Variants in TSC22D1 observed in about 807,000 individuals in gnomAD.
TSC22D1 encodes TSC22 domain family protein 1.
In TSC22D1, 9 loss-of-function variants were observed where a neutral mutation model predicts 74.2. The ratio of observed to expected loss-of-function variants is 0.12; its 90% CI spans 0.07 to 0.21. The LOEUF is 0.21. Among genes scored for constraint, TSC22D1 ranks in the 10% least tolerant of loss-of-function variants. The probability of loss-of-function intolerance (pLI) is 1.00; values close to 1 mark genes in which losing one functional copy is unlikely to be tolerated. For missense variants in TSC22D1, 1,427 were observed against 1,304.7 expected, an observed-to-expected ratio of 1.09 and a Z score of -1.44; for synonymous variants, 586 against 492.5, an observed-to-expected ratio of 1.19 and a Z score of -2.51.
chr13:44,576,298 G>T lies in TSC22D1; in HGVS notation c.-224C>A, dbSNP rs1195117460. 1 of 592,784 alleles carries T rather than the reference G, an allele frequency of 1.7e-6. No individual in the cohort carries two copies. The highest frequency in any genetic ancestry group is 2.9e-6 in the Non-Finnish European group (1 of 345,258). The allele number at this position is 592,784 out of a possible 1,614,324, so 36.7% of individuals were successfully genotyped here. A position where few individuals can be genotyped will look rare whatever the true frequency, so the allele number is the denominator to read the frequency against. Reference sequence around the variant, plus strand: ...GAACAGGGCGGCCGGGGACCCGAAGGGGGGATCCCTTCAGTCCTTCGCCAT... The same window carrying T: ...GAACAGGGCGGCCGGGGACCCGAAGTGGGGATCCCTTCAGTCCTTCGCCAT... On this transcript the variant is annotated 5_prime_UTR_variant, in exon 1 of 3. Coordinates refer to ENST00000458659, the MANE Select transcript of TSC22D1 (RefSeq NM_183422.4).
At chr13:44,528,315 T>C (rs1880652649) in intron 1 of TSC22D1, among the ~76,000 whole-genome samples, 1 of 151,792 alleles carries the variant, frequency 6.6e-6, no homozygotes, top group African/African-American at 2.4e-5. Context: ...ATAAAACAAA[T>C]GTAAAAGAAT....
At chr13:44,519,317 G>T (rs1880200085) in intron 1 of TSC22D1, among the ~76,000 whole-genome samples, 1 of 152,002 alleles carries the variant, frequency 6.6e-6, no homozygotes. Context: ...TGTATGAAGG[G>T]TATAAGCCAA....
intron 1 of TSC22D1, among the ~76,000 whole-genome samples, chr13:44,471,251 A>G (rs1028192570): frequency 2.0e-5 from 3 of 152,210 alleles, no homozygotes; most frequent in African/African-American, 7.2e-5. Context: ...ATCAAGATAA[A>G]GTTATTTTAA....
chr13:44,517,432 T>C (rs1880049048), intron 1 of TSC22D1, among the ~76,000 whole-genome samples: 1 of 151,940 alleles, frequency 6.6e-6, no homozygotes, highest in African/African-American at 2.4e-5. Context: ...TTAGAAAATT[T>C]CCCACAAGAA....
chr13:44,472,279 G>A (rs980277639), intron 1 of TSC22D1, among the ~76,000 whole-genome samples: 13 of 152,150 alleles, frequency 8.5e-5, no homozygotes, highest in African/African-American at 2.9e-4. Flanking sequence ...AAGATAAACT[G>A]TGGCATTTTT....
chr13:44,490,854 GCCACTGCACTCCAGC>G (rs1381532910), intron 1 of TSC22D1, among the ~76,000 whole-genome samples: 1 of 151,124 alleles, frequency 6.6e-6, no homozygotes, highest in East Asian at 1.9e-4. Flanking sequence ...CCAAGATTAC[GCCACTGCACTCCAGC>G]CTGGGCAACA....
At chr13:44,490,930 T>TA (rs201404695) in intron 1 of TSC22D1, among the ~76,000 whole-genome samples, 9 of 123,992 alleles carry the variant, frequency 7.3e-5, no homozygotes, top group Non-Finnish European at 9.3e-5. Flanking sequence ...TCCGTCTCAT[T>TA]AAAAAAAATA....
At chr13:44,458,335 T>C (rs970435260) in intron 1 of TSC22D1, among the ~76,000 whole-genome samples, 1 of 152,236 alleles carries the variant, frequency 6.6e-6, no homozygotes, top group East Asian at 1.9e-4. Context: ...GAGTCAGATT[T>C]TGAGCACTGG....
At chr13:44,531,542 C>A (rs961388172) in intron 1 of TSC22D1, among the ~76,000 whole-genome samples, 3 of 152,116 alleles carry the variant, frequency 2.0e-5, no homozygotes, top group African/African-American at 7.2e-5. Context: ...ATACCTGAAG[C>A]ATCTAGCAAA....
At chr13:44,563,193 T>C (rs1034769554) in intron 1 of TSC22D1, among the ~76,000 whole-genome samples, 34 of 152,216 alleles carry the variant, frequency 2.2e-4, no homozygotes, top group African/African-American at 7.2e-4. Context: ...GGCTGGGTCA[T>C]GAATTTTTGG....
chr13:44,574,691 T>C lies in TSC22D1; in HGVS notation c.1384A>G (p.Arg462Gly). The C allele has an allele frequency of 3.1e-6, 5 of 1,614,156 alleles. No homozygotes were observed. The highest frequency in any genetic ancestry group is 4.2e-6 in the Non-Finnish European group (5 of 1,180,048). ...KQNPIEVTSE[R>G]ESTSGSSVSS... is the part of the protein sequence containing the mutation. ...ACTGAACTCCCACTAGTGCTCTCCC[T>C]TTCAGAAGTCACTTCTATCGGATTT... Residue 462 changes from arginine (R) to glycine (G), a missense_variant, in exon 1 of 3, where the codon AGG (arginine) becomes GGG (glycine). Physicochemically the swap from Arg to Gly is moderately radical, Grantham distance 125. Coordinates refer to ENST00000458659, the MANE Select transcript of TSC22D1 (RefSeq NM_183422.4).
At chr13:44,444,204 G>C (rs1208907439) in intron 1 of TSC22D1, among the ~76,000 whole-genome samples, 1 of 140,150 alleles carries the variant, frequency 7.1e-6, no homozygotes. Context: ...GCTTGAACCT[G>C]GGAGGCAGAG....
At chr13:44,473,120 C>T (rs10083252) in intron 1 of TSC22D1, among the ~76,000 whole-genome samples, 1 of 152,126 alleles carries the variant, frequency 6.6e-6, no homozygotes, top group Non-Finnish European at 1.5e-5. Flanking sequence ...CTGATTAATG[C>T]ATTTTTAGAT....
At chr13:44,567,023 GA>G (rs199945029) in intron 1 of TSC22D1, among the ~76,000 whole-genome samples, 1 of 150,222 alleles carries the variant, frequency 6.7e-6, no homozygotes, top group Non-Finnish European at 1.5e-5. Flanking sequence ...CTAATCCCAA[GA>G]AAAAAAAAGG....
chr13:44,512,475 A>G (rs1398716795), intron 1 of TSC22D1, among the ~76,000 whole-genome samples: 2 of 151,502 alleles, frequency 1.3e-5, no homozygotes, highest in Admixed American at 1.3e-4. Context: ...AGCCTTGGAT[A>G]TTTATTTCAA....
chr13:44,563,678 C>T (rs1051815289), intron 1 of TSC22D1, among the ~76,000 whole-genome samples: 2 of 152,196 alleles, frequency 1.3e-5, no homozygotes, highest in African/African-American at 4.8e-5. Flanking sequence ...AAAGTCACTT[C>T]AAGTAACACT....
intron 1 of TSC22D1, among the ~76,000 whole-genome samples, chr13:44,467,334 C>T (rs1877347300): frequency 6.6e-6 from 1 of 152,092 alleles, no homozygotes; most frequent in Non-Finnish European, 1.5e-5. Context: ...TGGACACTAG[C>T]CTTAGCAAAT....
intron 1 of TSC22D1, among the ~76,000 whole-genome samples, chr13:44,473,841 T>A (rs1339853949): frequency 6.6e-6 from 1 of 152,210 alleles, no homozygotes; most frequent in Non-Finnish European, 1.5e-5. Flanking sequence ...AGGCTCAATA[T>A]AATACTCAAT....
At chr13:44,452,286 A>C (rs1876206378) in intron 1 of TSC22D1, among the ~76,000 whole-genome samples, 1 of 152,162 alleles carries the variant, frequency 6.6e-6, no homozygotes, top group East Asian at 1.9e-4. Context: ...TCGAAAAAGG[A>C]AACTGCCGCA....
Sources: gnomAD v4.1 joint callset for allele counts (sites outside exome capture counted in the v4.1 genomes callset) on GRCh38, gnomAD v4.1.1 for gene constraint, MANE v1.5 for transcripts, NCBI Gene and HGNC (gene_info 2026-07-23, HGNC 2026-07-21) for gene names.